The following AGBL4 variants were observed in gnomAD, a reference collection of about 807,000 sequenced individuals.
The protein encoded by AGBL4 is AGBL carboxypeptidase 4.
AGBL4 carries 58 observed loss-of-function variants against 66.4 expected under a neutral mutation model. The observed-to-expected ratio is 0.87, with a 90% confidence interval of 0.71 to 1.09. The LOEUF (loss-of-function observed/expected upper bound fraction) is 1.09, where lower values mean the gene tolerates loss of function less well. AGBL4 is among the 50% of genes least tolerant of loss of function. The probability of loss-of-function intolerance (pLI) is 0.00; values close to 1 mark genes in which losing one functional copy is unlikely to be tolerated. For synonymous variants in AGBL4, 234 were observed against 222.9 expected, an observed-to-expected ratio of 1.05 and a Z score of -0.44; for missense variants, 579 against 631.0, an observed-to-expected ratio of 0.92 and a Z score of 0.88.
intron 9 of AGBL4, among the ~76,000 whole-genome samples, chr1:48,632,134 A>T (rs191981297): frequency 2.0e-5 from 3 of 152,252 alleles, no homozygotes; most frequent in Non-Finnish European, 4.4e-5. Context: ...GGAAAAGAGG[A>T]AGGAACTGAG....
intron 6 of AGBL4, among the ~76,000 whole-genome samples, chr1:48,771,642 T>A (rs913050769): frequency 6.6e-5 from 10 of 152,204 alleles, no homozygotes; most frequent in African/African-American, 1.9e-4. Flanking sequence ...ACTCACTTTT[T>A]TCAAGAAAAT....
chr1:48,662,031 C>T (rs915553386), intron 7 of AGBL4, among the ~76,000 whole-genome samples: 19 of 152,210 alleles, frequency 1.2e-4, no homozygotes, highest in Admixed American at 9.2e-4. Context: ...AAGTCACTGC[C>T]TCCCTGAAAC....
intron 1 of AGBL4, among the ~76,000 whole-genome samples, chr1:49,904,867 T>C (rs1262003744): frequency 3.3e-5 from 5 of 152,118 alleles, no homozygotes; most frequent in African/African-American, 1.2e-4. Flanking sequence ...TTAACAACAA[T>C]GACACTAAAG....
chr1:49,557,149 G>A (rs749675243), intron 3 of AGBL4, among the ~76,000 whole-genome samples: 4 of 152,062 alleles, frequency 2.6e-5, no homozygotes, highest in Non-Finnish European at 5.9e-5. Flanking sequence ...CCCAGAGAAG[G>A]TCTCCCACAG....
At chr1:48,839,002 T>C (rs1477694678) in intron 6 of AGBL4, among the ~76,000 whole-genome samples, 1 of 152,054 alleles carries the variant, frequency 6.6e-6, no homozygotes, top group Non-Finnish European at 1.5e-5. Context: ...TTAAACTGGC[T>C]ATTATCAAAA....
chr1:49,029,930 GAAC>G (rs1289800624), intron 5 of AGBL4, among the ~76,000 whole-genome samples: 2 of 152,116 alleles, frequency 1.3e-5, no homozygotes, highest in Non-Finnish European at 2.9e-5. Context: ...GTGGGGGAAA[GAAC>G]AATTTTTTCA....
rs949346881 is a variant in AGBL4 at position 49,899,274 on chromosome 1, T to TA, written c.35-47757dup. On this transcript the variant is annotated intron_variant, in intron 1 of 13. Coordinates refer to ENST00000371839, the MANE Select transcript of AGBL4 (RefSeq NM_032785.4). ...TACACCTACTATGTGTCCACAAAAA[T>TA]AAAAAAAAAATTAAAATAATGAATA... Among the ~76,000 whole-genome samples the TA allele has an allele frequency of 5.0e-4, 74 of 147,886 alleles. 1 individual carries two copies. Among genetic ancestry groups the TA allele is most frequent in the East Asian group, 3.0e-3 (15 of 5,076 alleles).
intron 1 of AGBL4, among the ~76,000 whole-genome samples, chr1:50,014,074 C>G (rs1406180532): frequency 2.0e-5 from 3 of 152,046 alleles, no homozygotes; most frequent in Non-Finnish European, 4.4e-5. Context: ...ACAGATACAT[C>G]CAAATGAGGT....
chr1:48,929,626 G>A (rs1654876068), intron 5 of AGBL4, among the ~76,000 whole-genome samples: 1 of 152,150 alleles, frequency 6.6e-6, no homozygotes, highest in Non-Finnish European at 1.5e-5. Context: ...ATTGAAGGCA[G>A]AGATCATGTG....
intron 5 of AGBL4, among the ~76,000 whole-genome samples, chr1:48,956,075 C>T (rs1215739213): frequency 1.3e-5 from 2 of 152,340 alleles, no homozygotes; most frequent in East Asian, 3.9e-4. Flanking sequence ...GGCCCTGTTG[C>T]ATTTGCCTAG....
At chr1:49,174,425 C>T (rs1358132626) in intron 4 of AGBL4, among the ~76,000 whole-genome samples, 1 of 151,944 alleles carries the variant, frequency 6.6e-6, no homozygotes, top group African/African-American at 2.4e-5. Context: ...TCTATTTCTC[C>T]CATAAAATTA....
intron 6 of AGBL4, among the ~76,000 whole-genome samples, chr1:48,729,461 G>T (rs1445808266): frequency 2.0e-5 from 3 of 152,150 alleles, no homozygotes; most frequent in African/African-American, 7.2e-5. Flanking sequence ...TCAACCTTGA[G>T]GAATTGCTAT....
chr1:48,990,394 G>A (rs76632316), intron 5 of AGBL4, among the ~76,000 whole-genome samples: 7,678 of 152,018 alleles, frequency 0.051, 579 homozygotes, highest in African/African-American at 0.17. Flanking sequence ...AACTTAATGT[G>A]ATCCCATCTG....
At chr1:49,427,788 T>A (rs1229190023) in intron 3 of AGBL4, among the ~76,000 whole-genome samples, 1 of 152,236 alleles carries the variant, frequency 6.6e-6, no homozygotes, top group Non-Finnish European at 1.5e-5. Context: ...TGCTGCTGGC[T>A]GGGTGGCCAG....
intron 1 of AGBL4, among the ~76,000 whole-genome samples, chr1:49,919,005 C>G (rs1008990345): frequency 9.2e-5 from 14 of 152,166 alleles, no homozygotes; most frequent in Admixed American, 1.3e-4. Flanking sequence ...TCAATAGATG[C>G]AGAAAAGGCC....
chr1:49,512,146 C>T (rs1649327272), intron 3 of AGBL4, among the ~76,000 whole-genome samples: 1 of 151,918 alleles, frequency 6.6e-6, no homozygotes, highest in Non-Finnish European at 1.5e-5. Flanking sequence ...TGGAATATTT[C>T]TGCATTTCAG....
chr1:49,382,342 G>C (rs1375000190), intron 3 of AGBL4, among the ~76,000 whole-genome samples: 1 of 151,830 alleles, frequency 6.6e-6, no homozygotes, highest in African/African-American at 2.4e-5. Context: ...TAGAATACAA[G>C]GATAGTTCAA....
chr1:49,522,322 T>A (rs2148801681), intron 3 of AGBL4, among the ~76,000 whole-genome samples: 1 of 152,250 alleles, frequency 6.6e-6, no homozygotes, highest in African/African-American at 2.4e-5. Context: ...ATCCTCTGTA[T>A]TACCTAATCA....
chr1:49,256,402 C>A (rs925726119), intron 3 of AGBL4, among the ~76,000 whole-genome samples: 2 of 151,750 alleles, frequency 1.3e-5, no homozygotes, highest in Admixed American at 6.6e-5. Flanking sequence ...TAACAGTAAA[C>A]AATTAGAAAA....
Sources: gnomAD v4.1 joint callset for allele counts (sites outside exome capture counted in the v4.1 genomes callset) on GRCh38, gnomAD v4.1.1 for gene constraint, MANE v1.5 for transcripts, NCBI Gene and HGNC (gene_info 2026-07-23, HGNC 2026-07-21) for gene names.